Variants in ANK1 observed in about 807,000 individuals in gnomAD.
The protein encoded by ANK1 is ankyrin-1.
ANK1 carries 51 observed loss-of-function variants against 210.4 expected under a neutral mutation model. That is an observed-to-expected ratio of 0.24 (90% CI 0.19 to 0.31). The LOEUF is 0.31. Ranked by LOEUF, ANK1 falls within the 10% of genes least tolerant of loss-of-function variation. The pLI is 1.00. For missense variants in ANK1, 2,051 were observed against 2,504.4 expected (o/e 0.82, Z 3.86); for synonymous variants, 967 against 1,025.9 (o/e 0.94, Z 1.10).
intron 36 of ANK1, 71 bp from the exon 37 acceptor site, chr8:41,684,761 G>A: frequency 6.4e-7 from 1 of 1,551,922 alleles, no homozygotes; most frequent in Non-Finnish European, 8.9e-7. Context: ...TCAGAAAATG[G>A]GGCCAGGATG....
At chr8:41,846,127 T>C (rs1050042846) in intron 1 of ANK1, among the ~76,000 whole-genome samples, 1 of 152,206 alleles carries the variant, frequency 6.6e-6, no homozygotes, top group African/African-American at 2.4e-5. Context: ...CCAGGGTCTA[T>C]GATTGGACAA....
chr8:41,850,573 T>A (rs1811054816), intron 1 of ANK1, among the ~76,000 whole-genome samples: 1 of 152,220 alleles, frequency 6.6e-6, no homozygotes, highest in African/African-American at 2.4e-5. Context: ...CTCAGCCTCC[T>A]GGGACCAAGT....
In ANK1 at chr8:41,782,628, G is replaced by C. The variant is rs78062707; in HGVS notation, c.27+14884C>G. On this transcript the variant is annotated intron_variant, in intron 1 of 42. Coordinates refer to ENST00000289734, the MANE Select transcript of ANK1 (RefSeq NM_000037.4). ...AGGACGGGGCCGCCTGTTGAGAACT[G>C]TCTCAGGGGGTCTCAGATTCTCGCT... Among the ~76,000 whole-genome samples the C allele has an allele frequency of 1.4e-3, 217 of 152,296 alleles. 5 individuals carry two copies. In the East Asian group the frequency reaches 0.036, roughly 25 times the overall value.
chr8:41,827,850 T>C lies in ANK1; in HGVS notation c.126+68505A>G, dbSNP rs145851304. Reference sequence around the variant, plus strand: ...ACGCACTCACACATGCACACACGCATACATACACCCACTCACACACCCCAC... The same window carrying C: ...ACGCACTCACACATGCACACACGCACACATACACCCACTCACACACCCCAC... On this transcript the variant is annotated intron_variant, in intron 1 of 42. Transcript: ENST00000265709. Among the ~76,000 whole-genome samples the C allele has an allele frequency of 2.0e-4, 30 of 149,932 alleles. No homozygotes were observed. In the East Asian group the frequency reaches 4.5e-3, roughly 22 times the overall value.
At chr8:41,809,692 C>T (rs1280307954) in intron 1 of ANK1, among the ~76,000 whole-genome samples, 2 of 152,148 alleles carry the variant, frequency 1.3e-5, no homozygotes, top group Admixed American at 6.6e-5. Flanking sequence ...CGCTTGAGCC[C>T]AGGAGGTCAG....
upstream of ANK1, among the ~76,000 whole-genome samples, chr8:41,797,816 G>A (rs1304940856): frequency 6.6e-6 from 1 of 151,984 alleles, no homozygotes; most frequent in Non-Finnish European, 1.5e-5. This position sits in a 1 kb window ranked among gnomAD's most constrained non-coding sequence, Gnocchi z 4.0. Flanking sequence ...GCGGACCCCT[G>A]GTTGCCCCGG....
chr8:41,753,843 A>G (rs528422527), intron 2 of ANK1, among the ~76,000 whole-genome samples: 1 of 152,128 alleles, frequency 6.6e-6, no homozygotes, highest in Non-Finnish European at 1.5e-5. Context: ...TCTGCACTGC[A>G]CCCACTCTGG....
intron 1 of ANK1, among the ~76,000 whole-genome samples, chr8:41,881,265 A>C (rs1054406865): frequency 1.3e-5 from 2 of 152,334 alleles, no homozygotes; most frequent in East Asian, 3.9e-4. Context: ...AGAGACACAC[A>C]GTTATTTCCC....
intron 38 of ANK1, among the ~76,000 whole-genome samples, chr8:41,669,507 T>A (rs1198878181): frequency 6.6e-6 from 1 of 152,066 alleles, no homozygotes; most frequent in Non-Finnish European, 1.5e-5. Flanking sequence ...CAGGTCTACT[T>A]TGGATCTCTA....
At position 41,819,921 on chromosome 8, in the gene ANK1, A is replaced by C. The variant is rs113081322; in HGVS notation, c.127-61784T>G. 5.3e-3 allele frequency among the ~76,000 whole-genome samples: 806 copies of C among 152,370 alleles called. 4 individuals are homozygous for C. The highest frequency in any genetic ancestry group is 7.6e-3 in the Non-Finnish European group (519 of 68,032). On this transcript the variant is annotated intron_variant, in intron 1 of 42. Coordinates refer to the ANK1 transcript ENST00000265709. ...CTAAACAGACACCAATATGGTGAGA[A>C]TCATGAACTCAGCAGCCTGTGAGGC...
At chr8:41,796,804 C>T (rs1255628760) in intron 1 of ANK1, among the ~76,000 whole-genome samples, 1 of 151,972 alleles carries the variant, frequency 6.6e-6, no homozygotes, top group Non-Finnish European at 1.5e-5. Flanking sequence ...ACACATGGCA[C>T]AGGCTGGCCG....
At chr8:41,849,983 T>C (rs1176778533) in intron 1 of ANK1, among the ~76,000 whole-genome samples, 1 of 152,156 alleles carries the variant, frequency 6.6e-6, no homozygotes, top group Non-Finnish European at 1.5e-5. Flanking sequence ...GATCACGCTG[T>C]CAGAGCCCTG....
intron 3 of ANK1, among the ~76,000 whole-genome samples, chr8:41,729,296 C>T (rs1399754757): frequency 6.6e-6 from 1 of 152,140 alleles, no homozygotes; most frequent in African/African-American, 2.4e-5. Context: ...TGGAGGAAAA[C>T]CAGGCACGTA....
At chr8:41,684,415 C>T in intron 37 of ANK1, 129 bp downstream of exon 37, 1 of 1,446,412 alleles carries the variant, frequency 6.9e-7, no homozygotes, top group Non-Finnish European at 9.6e-7. Context: ...TGCTGACAAA[C>T]CAGACCTCCC....
At chr8:41,706,029 G>T in intron 18 of ANK1, 114 bp downstream of exon 18, 1 of 1,006,628 alleles carries the variant, frequency 9.9e-7, no homozygotes, top group South Asian at 1.3e-5. Context: ...CCTAGGAAGT[G>T]GCAGAGAAGA....
At chr8:41,740,816 C>T (rs1473097158) in intron 2 of ANK1, among the ~76,000 whole-genome samples, 3 of 152,172 alleles carry the variant, frequency 2.0e-5, no homozygotes, top group Non-Finnish European at 4.4e-5. Context: ...GGGATACAGG[C>T]GCAAACCAGG....
chr8:41,740,492 C>A (rs1018059894), intron 2 of ANK1, among the ~76,000 whole-genome samples: 13 of 152,026 alleles, frequency 8.6e-5, no homozygotes, highest in African/African-American at 2.9e-4. Context: ...ATCCCGGGCC[C>A]AAAACAATCT....
chr8:41,814,359 CA>C (rs34734381), intron 1 of ANK1, among the ~76,000 whole-genome samples: 55,547 of 124,240 alleles, frequency 0.45, 10,823 homozygotes, highest in Non-Finnish European at 0.5. Context: ...GACTCCATCT[CA>C]AAAAAAAAAA....
chr8:41,814,980 T>C (rs187378741), intron 1 of ANK1, among the ~76,000 whole-genome samples: 1 of 152,256 alleles, frequency 6.6e-6, no homozygotes, highest in Admixed American at 6.5e-5. Flanking sequence ...TTTGAAAACT[T>C]CCAGGGGCCC....
Sources: allele counts gnomAD v4.1 joint callset (sites outside exome capture counted in the v4.1 genomes callset), GRCh38; gene constraint gnomAD v4.1.1; non-coding constraint Gnocchi (gnomAD v3.1); transcripts MANE v1.5; gene names NCBI Gene and HGNC (gene_info 2026-07-23, HGNC 2026-07-21).